FRMD3: variants seen among roughly 807,000 people sequenced by gnomAD.
FRMD3 encodes the protein FERM domain containing 3, also known as FERM domain-containing protein 3.
Under a neutral mutation model 70.2 loss-of-function variants are expected in FRMD3, and 33 were observed. That is an observed-to-expected ratio of 0.47 (90% CI 0.36 to 0.63). FRMD3 has a LOEUF of 0.63. Ranked by LOEUF, FRMD3 falls within the 20% of genes least tolerant of loss-of-function variation. FRMD3 has a pLI of 0.00. For synonymous variants in FRMD3, 279 were observed against 255.9 expected, an observed-to-expected ratio of 1.09 and a Z score of -0.86; for missense variants, 632 against 711.4, an observed-to-expected ratio of 0.89 and a Z score of 1.27.
intron 1 of FRMD3, among the ~76,000 whole-genome samples, chr9:83,533,927 A>G (rs1290260961): frequency 2.0e-5 from 3 of 152,186 alleles, no homozygotes; most frequent in Admixed American, 2.0e-4. Context: ...TATGTAACCC[A>G]AAAAAGTCAG....
chr9:83,430,091 C>A (rs1353164355), intron 1 of FRMD3, among the ~76,000 whole-genome samples: 8 of 152,192 alleles, frequency 5.3e-5, no homozygotes, highest in Non-Finnish European at 1.0e-4. Flanking sequence ...ATACATAATG[C>A]TTGAATCAAG....
intron 1 of FRMD3, among the ~76,000 whole-genome samples, chr9:83,521,917 T>C (rs1829579380): frequency 6.6e-6 from 1 of 152,218 alleles, no homozygotes; most frequent in Non-Finnish European, 1.5e-5. Flanking sequence ...ATGTCTACAT[T>C]TTCCTTATAG....
Position 83,313,720 on chromosome 9 carries a change from A to G in FRMD3, c.624T>C (p.Phe208=). The G allele has an allele frequency of 6.2e-7, 1 of 1,614,202 alleles. No individual in the cohort carries two copies. Among genetic ancestry groups the G allele is most frequent in the East Asian group, 2.2e-5 (1 of 44,886 alleles). The change falls in exon 7 of 14, where the codon TTT becomes TTC. Residue 208 remains phenylalanine (F), a synonymous_variant. Transcript: ENST00000304195. ...AAGTGTGAGCTTTCAGGAGCAAGTT[A>G]AATTCAGCAACTGGTGGGCTCTGCC... ...LRGQSPPVAE[F]NLLLKAHTLE...
chr9:83,496,039 T>C (rs575836269), intron 1 of FRMD3, among the ~76,000 whole-genome samples: 1 of 152,224 alleles, frequency 6.6e-6, no homozygotes, highest in Non-Finnish European at 1.5e-5. Context: ...CATAAGCTAG[T>C]ACTTTAGAAG....
At chr9:83,244,308 C>T (rs963202259), downstream of FRMD3, among the ~76,000 whole-genome samples, 4 of 147,056 alleles carry the variant, frequency 2.7e-5, no homozygotes, top group Admixed American at 6.9e-5. Flanking sequence ...AATCCATGCT[C>T]CTATCTGTCA....
the FRMD3 span, among the ~76,000 whole-genome samples, chr9:83,550,321 C>T: frequency 6.6e-6 from 1 of 152,062 alleles, no homozygotes; most frequent in Non-Finnish European, 1.5e-5. Flanking sequence ...GTTTTTATAC[C>T]TGTACTATGC....
At chr9:83,405,240 C>G (rs1391103651) in intron 1 of FRMD3, among the ~76,000 whole-genome samples, 1 of 152,150 alleles carries the variant, frequency 6.6e-6, no homozygotes, top group East Asian at 1.9e-4. Flanking sequence ...CCTCCCAGTG[C>G]CCAGGTGTGC....
chr9:83,387,532 C>T (rs1825546475), intron 2 of FRMD3, among the ~76,000 whole-genome samples: 1 of 152,176 alleles, frequency 6.6e-6, no homozygotes, highest in Non-Finnish European at 1.5e-5. Flanking sequence ...CGTCTGCAGG[C>T]TGGCCATTTA....
chr9:83,421,888 A>G (rs1450692814), intron 1 of FRMD3, among the ~76,000 whole-genome samples: 1 of 152,148 alleles, frequency 6.6e-6, no homozygotes, highest in Non-Finnish European at 1.5e-5. Context: ...CACACATGCT[A>G]ATGGACTCTC....
intron 3 of FRMD3, among the ~76,000 whole-genome samples, chr9:83,355,196 T>C (rs1824296297): frequency 6.6e-6 from 1 of 152,198 alleles, no homozygotes; most frequent in Non-Finnish European, 1.5e-5. Flanking sequence ...GTGTTCTTAT[T>C]CTTAAATTAC....
chr9:83,413,629 G>A (rs536095070), intron 1 of FRMD3, among the ~76,000 whole-genome samples: 1 of 152,296 alleles, frequency 6.6e-6, no homozygotes, highest in East Asian at 1.9e-4. Flanking sequence ...GCCCACTTGA[G>A]ATTCATGGTA....
At chr9:83,269,636 G>A (rs1170508527) in intron 13 of FRMD3, among the ~76,000 whole-genome samples, 1 of 151,210 alleles carries the variant, frequency 6.6e-6, no homozygotes, top group Non-Finnish European at 1.5e-5. Flanking sequence ...ATAAACCCGG[G>A]AGGCGGAGGT....
rs1257362936 is a variant in FRMD3, at chr9:83,269,119, C to T, written c.1196-20603G>A. On this transcript the variant is annotated intron_variant, in intron 13 of 13. Transcript: ENST00000304195. ...ACAATAAATCACTACTTTGCAGTAA[C>T]ACACGATGAATTTCATAGATTAACC... is the stretch of plus-strand genomic sequence containing the variant. 2.0e-5 allele frequency among the ~76,000 whole-genome samples: 3 copies of T among 152,312 alleles called. No individual in the cohort carries two copies. The East Asian group carries it at 5.8e-4, about 29-fold the overall frequency.
chr9:83,510,975 C>T (rs76391994), intron 1 of FRMD3, among the ~76,000 whole-genome samples: 1,784 of 152,286 alleles, frequency 0.012, 44 homozygotes, highest in African/African-American at 0.04. Context: ...ATACTAACCA[C>T]CGTGGAATTA....
intron 1 of FRMD3, among the ~76,000 whole-genome samples, chr9:83,513,955 T>A (rs545029758): frequency 6.6e-6 from 1 of 152,202 alleles, no homozygotes; most frequent in Admixed American, 6.5e-5. Flanking sequence ...TTTCCCATGG[T>A]CTTCACAACC....
intron 4 of FRMD3, among the ~76,000 whole-genome samples, chr9:83,348,152 G>A (rs926670363): frequency 1.3e-5 from 2 of 152,068 alleles, no homozygotes; most frequent in Middle Eastern, 6.3e-3. Context: ...AATGACAAAA[G>A]TGAGGCATTA....
At position 83,311,978 on chromosome 9, in the gene FRMD3, GAAAAAAA is replaced by G. The variant is rs200178795; in HGVS notation, c.685-10_685-4del. ...AATGTTGTTGTGCCTGTTGAATCCT[GAAAAAAA>G]AAAAAAAGAAAAAAGAAAAATCTGT... On this transcript the variant is annotated splice_region_variant and splice_polypyrimidine_tract_variant and intron_variant, in intron 7 of 13. Transcript: ENST00000304195. The G allele has an allele frequency of 4.1e-4, 546 of 1,327,080 alleles. No individual in the cohort carries two copies. Among genetic ancestry groups the G allele is most frequent in the Non-Finnish European group, 5.2e-4 (510 of 985,722 alleles). 82.2% of individuals were successfully genotyped at this position (1,327,080 alleles called of 1,614,324 possible). A position where few individuals can be genotyped will look rare whatever the true frequency, so the allele number is the denominator to read the frequency against.
At chr9:83,381,235 T>C (rs1825342008) in intron 2 of FRMD3, among the ~76,000 whole-genome samples, 2 of 152,188 alleles carry the variant, frequency 1.3e-5, no homozygotes, top group Non-Finnish European at 1.5e-5. Context: ...CGCTCAAAAA[T>C]GTTTTTCCAT....
intron 1 of FRMD3, among the ~76,000 whole-genome samples, chr9:83,480,765 G>T (rs188558358): frequency 2.0e-5 from 3 of 152,222 alleles, no homozygotes; most frequent in Admixed American, 2.0e-4. Context: ...AAAGTGCTGG[G>T]ATTACAGGCA....
Sources: allele counts gnomAD v4.1 joint callset (sites outside exome capture counted in the v4.1 genomes callset), GRCh38; gene constraint gnomAD v4.1.1; transcripts MANE v1.5; gene names NCBI Gene and HGNC (gene_info 2026-07-23, HGNC 2026-07-21).